The following TEP1 variants were observed in gnomAD, a reference collection of about 807,000 sequenced individuals.
TEP1 encodes telomerase associated protein 1.
In TEP1, 241 loss-of-function variants were observed where a neutral mutation model predicts 306.3. The observed-to-expected ratio is 0.79, with a 90% CI of 0.71 to 0.88. The LOEUF is 0.88. TEP1 is among the 40% of genes least tolerant of loss of function. The probability of loss-of-function intolerance (pLI) is 0.00; values close to 1 mark genes in which losing one functional copy is unlikely to be tolerated. For synonymous variants in TEP1, 1,289 were observed against 1,305.5 expected (o/e 0.99, Z 0.27); for missense variants, 3,051 against 3,276.1 (o/e 0.93, Z 1.68).
At chr14:20,376,366 C>G (rs377509788) in intron 41 of TEP1, 102 bp from the exon 42 acceptor site, 1 of 1,235,972 alleles carries the variant, frequency 8.1e-7, no homozygotes, top group Non-Finnish European at 1.1e-6. Flanking sequence ...GAGGGTGACA[C>G]CTGAGGCTCA....
At chr14:20,389,420 A>T (rs1877508367) in intron 16 of TEP1, 123 bp from the exon 17 acceptor site, 3 of 1,431,602 alleles carry the variant, frequency 2.1e-6, no homozygotes, top group Non-Finnish European at 2.9e-6. Context: ...GTGGTAGGCT[A>T]GGGCTAGGGT....
Position 20,390,705 on chromosome 14 carries a change from C to T in TEP1, c.2310G>A (p.Leu770=). 1.2e-6 allele frequency: 2 copies of T among 1,614,206 alleles called. No homozygotes were observed. Among genetic ancestry groups the T allele is most frequent in the African/African-American group, 1.3e-5 (1 of 75,038 alleles). The change falls in exon 15 of 55, where the codon CTG becomes CTA. Residue 770 remains leucine, a synonymous_variant. Coordinates refer to ENST00000262715, the MANE Select transcript of TEP1 (RefSeq NM_007110.5). ...CAGGAACCCTTTGGCCAGCCAGAGA[C>T]AGCAGGTATTTCCCAAAAGTATTCA... ...WSLNTFGKYL[L]SLAGQRVPVD...
chr14:20,383,225 C>A lies in TEP1; in HGVS notation c.3996G>T (p.Glu1332Asp). Reference sequence around the variant, plus strand: ...GCCGCTTCCCGTACAGGGCCAGCTCCTCTCTCACCAGCCGGGCCCGAGCAG... The same window carrying A: ...GCCGCTTCCCGTACAGGGCCAGCTCATCTCTCACCAGCCGGGCCCGAGCAG... ...EASARARLVR[E>D]ELALYGKRLE... Residue 1332 changes from glutamate (E) to aspartate (D), a missense_variant, in exon 27 of 55, where the codon GAG becomes GAT. Around this residue, in one of 3 missense-constraint regions of TEP1, gnomAD observed 1,540 missense variants for 1,705.9 expected, o/e 0.90. Coordinates refer to ENST00000262715, the MANE Select transcript of TEP1 (RefSeq NM_007110.5). 1 of 1,613,934 alleles carries A rather than the reference C, an allele frequency of 6.2e-7. No individual in the cohort carries two copies. Among genetic ancestry groups the A allele is most frequent in the Non-Finnish European group, 8.5e-7 (1 of 1,179,938 alleles).
rs761176683 is a variant in TEP1, at chr14:20,379,022, G to A, written c.5211C>T (p.Phe1737=). The A allele has an allele frequency of 1.9e-5, 31 of 1,614,076 alleles. No homozygotes were observed. Among genetic ancestry groups the A allele is most frequent in the South Asian group, 2.2e-5 (2 of 91,082 alleles). ...LSDDTLFLTA[F]DGLLELWDLQ... is the part of the protein sequence containing the mutation. ...GGTCCCAGAGCTCCAGGAGCCCGTCGAAGGCAGTAAGAAAGAGTGTATCAT... is the reference window on the plus strand; with the variant it reads ...GGTCCCAGAGCTCCAGGAGCCCGTCAAAGGCAGTAAGAAAGAGTGTATCAT... The change falls in exon 36 of 55, where the codon TTC becomes TTT. Residue 1737 remains phenylalanine (F), a synonymous_variant. Transcript: ENST00000262715.
intron 6 of TEP1, 31 bp downstream of exon 6, chr14:20,403,692 G>A: frequency 6.2e-7 from 1 of 1,612,572 alleles, no homozygotes; most frequent in Non-Finnish European, 8.5e-7. Context: ...GAGAAAAGGG[G>A]CGTGGGTCGA....
At position 20,396,705 on chromosome 14, in the gene TEP1, G is replaced by A. The variant is rs1878232035; in HGVS notation, c.1575C>T (p.Ala525=). The part of the protein sequence containing the change: ...LIENGKLPFM[A]MLRNLCNLLR... ...GCAGGTTGCACAGGTTCCGAAGCAT[G>A]GCCATGAAGGGAAGCTTCCCATTTT... is the stretch of plus-strand genomic sequence containing the variant. The change falls in exon 10 of 55, where the codon GCC becomes GCT. Residue 525 remains alanine, a synonymous_variant. Coordinates refer to ENST00000262715, the MANE Select transcript of TEP1 (RefSeq NM_007110.5). The A allele has an allele frequency of 2.5e-6, 4 of 1,609,506 alleles. No homozygotes were observed. Among genetic ancestry groups the A allele is most frequent in the Non-Finnish European group, 3.4e-6 (4 of 1,176,544 alleles).
chr14:20,374,119 ACT>A (rs1340731735), intron 44 of TEP1, among the ~76,000 whole-genome samples: 1 of 146,192 alleles, frequency 6.8e-6, no homozygotes, highest in African/African-American at 2.5e-5. Flanking sequence ...ATAGGGTCTC[ACT>A]CTGTTACACT....
At chr14:20,377,969 T>C (rs1885292402) in intron 39 of TEP1, 55 bp downstream of exon 39, 1 of 1,593,092 alleles carries the variant, frequency 6.3e-7, no homozygotes, top group South Asian at 1.1e-5. Context: ...ACCAAGATAT[T>C]CTTTGCCTTT....
Position 20,378,972 on chromosome 14 carries a change from AC to A in TEP1, c.5252+8del. The A allele has an allele frequency of 6.2e-7, 1 of 1,614,062 alleles. No individual in the cohort carries two copies. Among genetic ancestry groups the A allele is most frequent in the Non-Finnish European group, 8.5e-7 (1 of 1,180,008 alleles). ...CCTCATTCCAAGACAAATGGGGAGG[AC>A]CCCTTACCGACAACCATGCTGCAGG... On this transcript the variant is annotated splice_region_variant and intron_variant, in intron 36 of 54. Transcript: ENST00000262715.
chr14:20,374,790 G>A lies in TEP1; in HGVS notation c.6364-254C>T, dbSNP rs139323601. ...ATATGGTGGTTGTGGGGCTGAGTGC[G>A]TCTACATAAAGGACTTAGGCTGGGC... On this transcript the variant is annotated intron_variant, in intron 43 of 54. Transcript: ENST00000262715. Among the ~76,000 whole-genome samples, 74 of 152,150 alleles carry A rather than the reference G, an allele frequency of 4.9e-4. 1 individual carries two copies. In the Middle Eastern group the frequency reaches 0.01, roughly 21 times the overall value.
At chr14:20,387,214 G>T (rs574701502) in intron 18 of TEP1, among the ~76,000 whole-genome samples, 5 of 149,132 alleles carry the variant, frequency 3.4e-5, no homozygotes, top group African/African-American at 9.9e-5. Context: ...GATTACAGGC[G>T]TGAGCCACGG....
intron 5 of TEP1, among the ~76,000 whole-genome samples, chr14:20,404,392 G>C (rs1227115164): frequency 6.8e-6 from 1 of 147,152 alleles, no homozygotes; most frequent in Non-Finnish European, 1.5e-5. Context: ...TCCAGAATAA[G>C]ACCATTTTTT....
At position 20,395,850 on chromosome 14, in the gene TEP1, G is replaced by C. The variant is rs763944131; in HGVS notation, c.1750+9C>G. 6.2e-7 allele frequency: 1 copy of C among 1,612,438 alleles called. No individual in the cohort carries two copies. Among genetic ancestry groups the C allele is most frequent in the Non-Finnish European group, 8.5e-7 (1 of 1,178,770 alleles). ...AGGCAAAGAGGAGTTGGAAGAAAGG[G>C]GAGAATACCTTGATTTCTGAGTTGA... On this transcript the variant is annotated intron_variant, in intron 11 of 54. Coordinates refer to ENST00000262715, the MANE Select transcript of TEP1 (RefSeq NM_007110.5).
intron 18 of TEP1, 122 bp downstream of exon 18, chr14:20,387,783 G>A: frequency 8.2e-7 from 1 of 1,223,338 alleles, no homozygotes; most frequent in Non-Finnish European, 1.1e-6. Context: ...CTGAGAAAGA[G>A]GAAGCATGCC....
intron 3 of TEP1, 141 bp downstream of exon 3, chr14:20,406,092 G>C (rs1879152112): frequency 3.3e-6 from 2 of 607,008 alleles, no homozygotes; most frequent in Admixed American, 6.1e-5. Context: ...AAAAGAAAAG[G>C]GGATTAGGAA....
intron 17 of TEP1, 56 bp from the exon 18 acceptor site, chr14:20,388,119 G>A: frequency 6.3e-7 from 1 of 1,595,138 alleles, no homozygotes; most frequent in Non-Finnish European, 8.6e-7. Flanking sequence ...AAATCAGTGA[G>A]GTCTTCCGAA....
At chr14:20,409,749 G>T (rs145411510) in intron 1 of TEP1, among the ~76,000 whole-genome samples, 1,771 of 152,068 alleles carry the variant, frequency 0.012, 17 homozygotes, top group Non-Finnish European at 0.015. Flanking sequence ...GGCCGGGCGC[G>T]GTGGCTCACG....
At chr14:20,370,253 T>C (rs976463819) in intron 51 of TEP1, among the ~76,000 whole-genome samples, 2 of 152,206 alleles carry the variant, frequency 1.3e-5, no homozygotes, top group Admixed American at 1.3e-4. Flanking sequence ...GATGTATTTT[T>C]ACATGTGCAT....
rs752952976 is a variant in TEP1, at chr14:20,378,251, A to G, written c.5509-15T>C. On this transcript the variant is annotated splice_polypyrimidine_tract_variant and intron_variant, in intron 38 of 54. Transcript: ENST00000262715. ...GCCCCCAGGTCCTACACAGGGAGGTAGAAATGGAAACGTGAAGACCTGCTC... is the reference window on the plus strand; with the variant it reads ...GCCCCCAGGTCCTACACAGGGAGGTGGAAATGGAAACGTGAAGACCTGCTC... The G allele has an allele frequency of 1.2e-6, 2 of 1,613,434 alleles. No individual in the cohort carries two copies. Among genetic ancestry groups the G allele is most frequent in the African/African-American group, 2.7e-5 (2 of 74,938 alleles).
Sources: allele counts gnomAD v4.1 joint callset (sites outside exome capture counted in the v4.1 genomes callset), GRCh38; gene constraint gnomAD v4.1.1; regional missense constraint gnomAD v4.1.1; transcripts MANE v1.5; gene names NCBI Gene and HGNC (gene_info 2026-07-23, HGNC 2026-07-21).